HECW2: variants seen among roughly 807,000 people sequenced by gnomAD.
HECW2 encodes the protein E3 ubiquitin-protein ligase HECW2.
In HECW2, 61 loss-of-function variants were observed where a neutral mutation model predicts 175.2. The ratio of observed to expected loss-of-function variants is 0.35; its 90% confidence interval spans 0.28 to 0.43. The LOEUF (loss-of-function observed/expected upper bound fraction) is 0.43, where lower values mean the gene tolerates loss of function less well. Among genes scored for constraint, HECW2 ranks in the 20% least tolerant of loss-of-function variants. HECW2 has a pLI of 1.00. For missense variants in HECW2, 1,524 were observed against 2,000.5 expected, an observed-to-expected ratio of 0.76 and a Z score of 4.54; for synonymous variants, 671 against 731.0, an observed-to-expected ratio of 0.92 and a Z score of 1.32.
intron 2 of HECW2, among the ~76,000 whole-genome samples, chr2:196,370,363 C>T (rs1429348484): frequency 1.3e-5 from 2 of 152,226 alleles, no homozygotes; most frequent in Admixed American, 6.5e-5. Context: ...TGTCTGGTGT[C>T]GTATCCTACT....
At chr2:196,385,318 G>A (rs1258206710) in intron 2 of HECW2, among the ~76,000 whole-genome samples, 1 of 152,132 alleles carries the variant, frequency 6.6e-6, no homozygotes, top group Non-Finnish European at 1.5e-5. Context: ...TATTTAATCA[G>A]AATATAAAAG....
At chr2:196,220,992 A>G in intron 24 of HECW2, 51 bp from the exon 25 acceptor site, 1 of 1,563,658 alleles carries the variant, frequency 6.4e-7, no homozygotes, top group Non-Finnish European at 8.8e-7. Flanking sequence ...TCTTAATGTT[A>G]TAACAACATT....
At chr2:196,375,647 A>G (rs925186802) in intron 2 of HECW2, among the ~76,000 whole-genome samples, 1 of 152,206 alleles carries the variant, frequency 6.6e-6, no homozygotes, top group African/African-American at 2.4e-5. Context: ...TATTAGTGGG[A>G]ACACAACAGT....
chr2:196,490,831 T>C (rs1463751099), intron 1 of HECW2, among the ~76,000 whole-genome samples: 2 of 152,050 alleles, frequency 1.3e-5, no homozygotes, highest in Non-Finnish European at 2.9e-5. Context: ...AAAAACATCA[T>C]GCTAAGTGAA....
chr2:196,436,720 G>A (rs1466737084), intron 1 of HECW2, among the ~76,000 whole-genome samples: 5 of 151,078 alleles, frequency 3.3e-5, no homozygotes, highest in Non-Finnish European at 4.4e-5. Flanking sequence ...TAAAGCTGCA[G>A]TGTATGCTAA....
Position 196,433,378 on chromosome 2 carries a change from T to A in HECW2, c.46A>T (p.Asn16Tyr). 1 of 1,614,070 alleles carries A rather than the reference T, an allele frequency of 6.2e-7. No individual in the cohort carries two copies. Among genetic ancestry groups the A allele is most frequent in the African/African-American group, 1.3e-5 (1 of 75,034 alleles). ...REHLLFVRRR[N>Y]PQMRYTLSPE... ...CTCAATGTGTACCGCATCTGGGGAT[T>A]TCGACGCCTCACAAAAAGCAGGTGC... The change falls in exon 2 of 29, where the codon AAT becomes TAT. Residue 16 changes from asparagine (N) to tyrosine (Y), a missense_variant. Around this residue, in one of 11 missense-constraint regions of HECW2, gnomAD observed 135 missense variants for 214.6 expected, o/e 0.63. Transcript: ENST00000644978.
At chr2:196,484,745 C>A (rs1686946513) in intron 1 of HECW2, among the ~76,000 whole-genome samples, 1 of 152,186 alleles carries the variant, frequency 6.6e-6, no homozygotes, top group Non-Finnish European at 1.5e-5. Flanking sequence ...CCGCCCTCCC[C>A]AACCCCGGGG....
chr2:196,590,547 C>T (rs1213816601), intron 1 of HECW2, among the ~76,000 whole-genome samples: 2 of 152,212 alleles, frequency 1.3e-5, no homozygotes, highest in Non-Finnish European at 2.9e-5. Context: ...GGCGAGAAGC[C>T]TCTGGTTTCT....
intron 10 of HECW2, among the ~76,000 whole-genome samples, chr2:196,308,371 C>A (rs1691350016): frequency 6.6e-6 from 1 of 151,982 alleles, no homozygotes; most frequent in Non-Finnish European, 1.5e-5. Context: ...CGTATGAGCC[C>A]CAGCATTTTA....
At chr2:196,382,648 C>T (rs1350019452) in intron 2 of HECW2, among the ~76,000 whole-genome samples, 1 of 152,014 alleles carries the variant, frequency 6.6e-6, no homozygotes, top group Non-Finnish European at 1.5e-5. Flanking sequence ...AATATAATAG[C>T]GGATTGTATT....
intron 1 of HECW2, among the ~76,000 whole-genome samples, chr2:196,532,077 T>C (rs1227172667): frequency 2.6e-5 from 4 of 152,226 alleles, no homozygotes; most frequent in African/African-American, 9.6e-5. Context: ...TGGCGATTCC[T>C]CAAGGATCTA....
At chr2:196,588,255 C>T (rs560979733) in intron 1 of HECW2, among the ~76,000 whole-genome samples, 1 of 152,290 alleles carries the variant, frequency 6.6e-6, no homozygotes, top group Admixed American at 6.5e-5. Context: ...ATTCCCAGCA[C>T]CTAGATCAGA....
At chr2:196,547,884 G>C (rs1372077718) in intron 1 of HECW2, among the ~76,000 whole-genome samples, 1 of 152,106 alleles carries the variant, frequency 6.6e-6, no homozygotes, top group Non-Finnish European at 1.5e-5. Context: ...GCAACTGAGG[G>C]GCAACTGAGT....
rs142684916 is a variant in HECW2 at position 196,520,472 on chromosome 2, A to T, written c.-36+73036T>A. Among the ~76,000 whole-genome samples, 15 of 152,354 alleles carry T rather than the reference A, an allele frequency of 9.8e-5. No homozygotes were observed. The East Asian group carries it at 2.9e-3, about 29-fold the overall frequency. ...ATCATGTAATGTGCACCTTAAGAGC[A>T]CCTGAAAGGGCAGACAGTGGGAAAT... On this transcript the variant is annotated intron_variant, in intron 1 of 28. Transcript: ENST00000644978.
Position 196,225,785 on chromosome 2 carries a change from C to CCTT in HECW2, c.4000_4002dup (p.Lys1334dup). Reference sequence around the variant, plus strand: ...AAATATTCTTACATTCTGAGAAGAGCCTTATAAAAGGGCCGTGTGAAGAAG... The same window carrying CCTT: ...AAATATTCTTACATTCTGAGAAGAGCCTTCTTATAAAAGGGCCGTGTGAAGAAG... On this transcript the variant is annotated inframe_insertion, in exon 23 of 29. Coordinates refer to ENST00000644978, the MANE Select transcript of HECW2 (RefSeq NM_001348768.2). 6.3e-7 allele frequency: 1 copy of CCTT among 1,597,814 alleles called. No homozygotes were observed.
At chr2:196,222,492 TTAAAC>T (rs1687705373) in intron 23 of HECW2, 152 bp from the exon 24 acceptor site, 8 of 658,500 alleles carry the variant, frequency 1.2e-5, no homozygotes, top group Non-Finnish European at 1.7e-5. Context: ...AGTCCAGTAA[TTAAAC>T]CAAACCAGTG....
At chr2:196,355,666 C>G (rs1454634648) in intron 2 of HECW2, among the ~76,000 whole-genome samples, 3 of 152,074 alleles carry the variant, frequency 2.0e-5, no homozygotes, top group African/African-American at 7.2e-5. Flanking sequence ...ATTCATTCAA[C>G]AAATATTTAT....
chr2:196,327,961 T>C (rs73049795), intron 5 of HECW2, among the ~76,000 whole-genome samples: 6,447 of 152,248 alleles, frequency 0.042, 491 homozygotes, highest in African/African-American at 0.15. Context: ...AATAAGTGTG[T>C]GTCATGCTTA....
At chr2:196,266,490 A>C (rs1406656823) in intron 17 of HECW2, among the ~76,000 whole-genome samples, 1 of 152,252 alleles carries the variant, frequency 6.6e-6, no homozygotes, top group South Asian at 2.1e-4. Context: ...ATGTTGGTCC[A>C]GACATCTGAG....
Sources: gnomAD v4.1 joint callset for allele counts (sites outside exome capture counted in the v4.1 genomes callset) on GRCh38, gnomAD v4.1.1 for gene constraint, gnomAD v4.1.1 regional missense constraint, MANE v1.5 for transcripts, NCBI Gene and HGNC (gene_info 2026-07-23, HGNC 2026-07-21) for gene names.